The following NELL1 variants were observed in gnomAD, a reference collection of about 807,000 sequenced individuals.
NELL1 encodes neural EGFL like 1.
NELL1 carries 76 observed loss-of-function variants against 107.4 expected under a neutral mutation model. That is an observed-to-expected ratio of 0.71 (90% CI 0.59 to 0.86). The LOEUF (loss-of-function observed/expected upper bound fraction) is 0.86. NELL1 is among the 40% of genes least tolerant of loss of function. NELL1 has a pLI of 0.00. For missense variants in NELL1, 1,024 were observed against 1,005.5 expected (o/e 1.02, Z -0.25); for synonymous variants, 353 against 341.2 (o/e 1.03, Z -0.38).
chr11:21,345,202 A>G (rs56869800), intron 14 of NELL1, among the ~76,000 whole-genome samples: 3,145 of 152,248 alleles, frequency 0.021, 101 homozygotes, highest in African/African-American at 0.072. Flanking sequence ...CTGCAAAGGA[A>G]GATTTAGGGA....
intron 16 of NELL1, among the ~76,000 whole-genome samples, chr11:21,542,398 ATT>A (rs1041076857): frequency 6.6e-5 from 10 of 152,010 alleles, no homozygotes; most frequent in African/African-American, 1.7e-4. Context: ...GCAGTTGGAG[ATT>A]GAAAATACAA....
chr11:20,920,653 A>G (rs866562035), intron 7 of NELL1, among the ~76,000 whole-genome samples: 5 of 152,096 alleles, frequency 3.3e-5, no homozygotes, highest in Admixed American at 6.6e-5. Context: ...GCATGCTACC[A>G]AAGTTTTGGA....
intron 5 of NELL1, among the ~76,000 whole-genome samples, chr11:20,915,598 T>A (rs1366022709): frequency 7.3e-5 from 11 of 150,128 alleles, no homozygotes; most frequent in African/African-American, 2.4e-4. Context: ...TAGAGTTAAA[T>A]GAGGAGAAAT....
At chr11:21,381,479 A>T (rs1321462498) in intron 15 of NELL1, among the ~76,000 whole-genome samples, 1 of 151,982 alleles carries the variant, frequency 6.6e-6, no homozygotes, top group African/African-American at 2.4e-5. Context: ...GTGAGATTAA[A>T]TGAGATATTG....
chr11:21,072,364 T>C (rs1406473788), intron 12 of NELL1, among the ~76,000 whole-genome samples: 1 of 152,186 alleles, frequency 6.6e-6, no homozygotes, highest in African/African-American at 2.4e-5. Flanking sequence ...ACCACACAGT[T>C]CTTTCACTAT....
At chr11:21,543,212 G>C (rs1296442118) in intron 16 of NELL1, among the ~76,000 whole-genome samples, 1 of 152,020 alleles carries the variant, frequency 6.6e-6, no homozygotes, top group Admixed American at 6.6e-5. Flanking sequence ...ATAATATTTA[G>C]TGTGGTCTCA....
chr11:21,379,337 A>G (rs1294238483), intron 15 of NELL1, among the ~76,000 whole-genome samples: 1 of 152,048 alleles, frequency 6.6e-6, no homozygotes, highest in East Asian at 1.9e-4. Flanking sequence ...GCAGACCTTG[A>G]CTTTCTCCTC....
At chr11:20,997,002 A>G (rs949567959) in intron 12 of NELL1, among the ~76,000 whole-genome samples, 2 of 152,124 alleles carry the variant, frequency 1.3e-5, no homozygotes, top group Non-Finnish European at 2.9e-5. Context: ...CCCCATGAGC[A>G]TATCGTCCAT....
At chr11:21,287,675 T>G (rs1028819859) in intron 14 of NELL1, among the ~76,000 whole-genome samples, 4 of 152,184 alleles carry the variant, frequency 2.6e-5, no homozygotes, top group Middle Eastern at 3.2e-3. Context: ...TTAGATGAAT[T>G]TCTCCTCATG....
At chr11:21,213,732 C>T (rs1021468380) in intron 13 of NELL1, among the ~76,000 whole-genome samples, 2 of 152,118 alleles carry the variant, frequency 1.3e-5, no homozygotes, top group East Asian at 3.9e-4. Flanking sequence ...TAACACAATT[C>T]AATGGAGAAA....
intron 14 of NELL1, among the ~76,000 whole-genome samples, chr11:21,268,404 A>C (rs1013038259): frequency 6.6e-6 from 1 of 152,122 alleles, no homozygotes; most frequent in African/African-American, 2.4e-5. Context: ...CCTGCCTTTA[A>C]GAGGAACTAT....
At position 21,006,040 on chromosome 11, in the gene NELL1, G is replaced by C. The variant is rs191550896; in HGVS notation, c.1300+45480G>C. On this transcript the variant is annotated intron_variant, in intron 12 of 19. Coordinates refer to ENST00000357134, the MANE Select transcript of NELL1 (RefSeq NM_006157.5). ...ATAATTGATAATTTCATAGATTTGG[G>C]GGGGGGAGTGGGAAATTAAATGAGA... 2.6e-4 allele frequency among the ~76,000 whole-genome samples: 40 copies of C among 151,988 alleles called. No homozygotes were observed. In the East Asian group the frequency reaches 6.6e-3, roughly 25 times the overall value.
At chr11:21,505,184 C>T (rs1210906636) in intron 15 of NELL1, among the ~76,000 whole-genome samples, 1 of 152,084 alleles carries the variant, frequency 6.6e-6, no homozygotes, top group East Asian at 1.9e-4. Context: ...CTGTTAATTC[C>T]TGATTAGGTC....
At chr11:21,153,285 G>A (rs1227375905) in intron 13 of NELL1, among the ~76,000 whole-genome samples, 1 of 152,018 alleles carries the variant, frequency 6.6e-6, no homozygotes, top group Non-Finnish European at 1.5e-5. Context: ...CTCAGTTTGG[G>A]GCCTTGTGTC....
At chr11:20,906,083 A>G (rs1849991480) in intron 5 of NELL1, among the ~76,000 whole-genome samples, 1 of 152,168 alleles carries the variant, frequency 6.6e-6, no homozygotes, top group Non-Finnish European at 1.5e-5. Flanking sequence ...TGAGATTAGC[A>G]GTAAATTTAT....
chr11:21,146,571 C>A (rs1471010839), intron 13 of NELL1, among the ~76,000 whole-genome samples: 1 of 152,192 alleles, frequency 6.6e-6, no homozygotes, highest in Non-Finnish European at 1.5e-5. Context: ...CTCCTCCTGC[C>A]CTTTATCTGG....
intron 2 of NELL1, among the ~76,000 whole-genome samples, chr11:20,782,256 A>G (rs1221589602): frequency 6.6e-6 from 1 of 152,168 alleles, no homozygotes; most frequent in Admixed American, 6.5e-5. Flanking sequence ...CCACTTAAGA[A>G]TTAAGTAGCG....
At chr11:20,808,007 T>A (rs1406551482) in intron 3 of NELL1, among the ~76,000 whole-genome samples, 1 of 152,184 alleles carries the variant, frequency 6.6e-6, no homozygotes, top group African/African-American at 2.4e-5. Context: ...CAGCCTGGAA[T>A]TGGGGACCCC....
rs543670514 is a variant in NELL1 at position 20,697,050 on chromosome 11, G to T, written c.184+18990G>T. Among the ~76,000 whole-genome samples, 49 of 152,246 alleles carry T rather than the reference G, an allele frequency of 3.2e-4. No individual in the cohort carries two copies. In the South Asian group the frequency reaches 0.01, roughly 32 times the overall value. ...ATCCAGTTAGGTTTCAGTTCACTAT[G>T]TATAGAAAAACCTCTAGGCCAAACT... On this transcript the variant is annotated intron_variant, in intron 2 of 19. Coordinates refer to ENST00000357134, the MANE Select transcript of NELL1 (RefSeq NM_006157.5).
Sources: allele counts gnomAD v4.1 joint callset (sites outside exome capture counted in the v4.1 genomes callset), GRCh38; gene constraint gnomAD v4.1.1; transcripts MANE v1.5; gene names NCBI Gene and HGNC (gene_info 2026-07-23, HGNC 2026-07-21).